Variants in DCTN5 observed in about 807,000 individuals in gnomAD.
DCTN5 encodes dynactin subunit 5.
Under a neutral mutation model 23.5 loss-of-function variants are expected in DCTN5, and 14 were observed. The observed-to-expected ratio is 0.60, with a 90% CI of 0.39 to 0.93. The LOEUF is 0.93. Among genes scored for constraint, DCTN5 ranks in the 40% least tolerant of loss-of-function variants. The pLI, the probability that DCTN5 is intolerant of heterozygous loss-of-function variation, is 0.00. For synonymous variants in DCTN5, 67 were observed against 79.6 expected (o/e 0.84, Z 0.84); for missense variants, 156 against 225.9 (o/e 0.69, Z 1.98).
At chr16:23,643,452 C>T (rs975755008) in intron 2 of DCTN5, among the ~76,000 whole-genome samples, 14 of 152,136 alleles carry the variant, frequency 9.2e-5, no homozygotes, top group African/African-American at 2.9e-4. Flanking sequence ...CTCGGCCTCC[C>T]AAAGTGCTGG....
chr16:23,648,468 A>G (rs1456868990), intron 2 of DCTN5, among the ~76,000 whole-genome samples: 3 of 150,692 alleles, frequency 2.0e-5, no homozygotes, highest in Admixed American at 6.6e-5. Flanking sequence ...TCATGCCTCA[A>G]TCTCCTGAAT....
chr16:23,659,212 C>A (rs911181620), intron 3 of DCTN5, among the ~76,000 whole-genome samples: 3 of 152,132 alleles, frequency 2.0e-5, no homozygotes, highest in Admixed American at 2.0e-4. Flanking sequence ...TCTTAAGTAT[C>A]CCTGATCTGA....
At chr16:23,664,174 C>T (rs924577260) in intron 4 of DCTN5, among the ~76,000 whole-genome samples, 6 of 152,128 alleles carry the variant, frequency 3.9e-5, no homozygotes, top group Admixed American at 3.9e-4. Flanking sequence ...AGGTAACCCA[C>T]GGAAGATAAC....
In DCTN5 at chr16:23,672,140, T is replaced by C. The variant is rs1339970551; in HGVS notation, c.*4996T>C. 1 of 151,962 alleles carries C rather than the reference T, an allele frequency of 6.6e-6. No individual in the cohort carries two copies. The allele number at this position is 151,962 out of a possible 1,614,324, so 9.4% of individuals were successfully genotyped here. ...AGAGGAGTCTGGGAGAATGAGGAAATATGAGAGCCCCAGGAACTGAAAAGG... is the reference window on the plus strand; with the variant it reads ...AGAGGAGTCTGGGAGAATGAGGAAACATGAGAGCCCCAGGAACTGAAAAGG... On this transcript the variant is annotated 3_prime_UTR_variant, in exon 6 of 6. Coordinates refer to ENST00000300087, the MANE Select transcript of DCTN5 (RefSeq NM_032486.4).
chr16:23,659,597 C>A (rs956799932), intron 3 of DCTN5, among the ~76,000 whole-genome samples: 4 of 152,188 alleles, frequency 2.6e-5, no homozygotes, highest in Non-Finnish European at 5.9e-5. Context: ...TGATGTGATA[C>A]ACCTGTCACA....
rs1402441193 is a variant in DCTN5, at chr16:23,667,077, C to T, written c.482C>T (p.Thr161Ile). The T allele has an allele frequency of 2.5e-6, 4 of 1,613,726 alleles. No homozygotes were observed. The highest frequency in any genetic ancestry group is 3.4e-6 in the Non-Finnish European group (4 of 1,180,034). Residue 161 changes from threonine (T) to isoleucine (I), a missense_variant, in exon 6 of 6, where the codon ACT (threonine) becomes ATT (isoleucine). By Grantham distance (89) the Thr-to-Ile change is moderately conservative. This residue lies in a region of DCTN5 where 153 missense variants were observed against 206.8 expected (regional missense o/e 0.74). Transcript: ENST00000300087. ...TTCTCAGGGGAGCTCCCGGAGTGCA[C>T]TCAGGAGCTGATGATTGACGTCACC... ...GLFSGELPECTQELMIDVTKS... is the reference protein window; with the variant it reads ...GLFSGELPECIQELMIDVTKS...
chr16:23,662,331 T>C (rs1967829691), intron 4 of DCTN5, among the ~76,000 whole-genome samples: 1 of 152,140 alleles, frequency 6.6e-6, no homozygotes, highest in Admixed American at 6.5e-5. Flanking sequence ...GCGGGCCCCT[T>C]GCTCAGCAGA....
chr16:23,647,495 C>CT (rs111226428), intron 2 of DCTN5, among the ~76,000 whole-genome samples: 4,468 of 140,394 alleles, frequency 0.032, 98 homozygotes, highest in Middle Eastern at 0.099. Flanking sequence ...GGGCTGTTTG[C>CT]TTTTTTTTTT....
Position 23,645,083 on chromosome 16 carries a change from CTATATATATATATA to C in DCTN5, c.117+2102_117+2115del, listed in dbSNP as rs869302728. ...GTGTGAGCCACTGCACCCAGCCTAACTATATATATATATATATATATATATATATATATATATAT... is the reference window on the plus strand; with the variant it reads ...GTGTGAGCCACTGCACCCAGCCTAACTATATATATATATATATATATATAT... On this transcript the variant is annotated intron_variant, in intron 2 of 5. Coordinates refer to ENST00000300087, the MANE Select transcript of DCTN5 (RefSeq NM_032486.4). 3.5e-3 allele frequency among the ~76,000 whole-genome samples: 115 copies of C among 33,106 alleles called. 1 individual carries two copies. The highest frequency in any genetic ancestry group is 9.8e-3 in the African/African-American group (85 of 8,676). The allele number at this position is 33,106 out of a possible 152,430, so 21.7% of individuals were successfully genotyped here. A position where few individuals can be genotyped will look rare whatever the true frequency, so the allele number is the denominator to read the frequency against.
At chr16:23,665,888 A>G (rs1967897220) in intron 5 of DCTN5, 160 bp downstream of exon 5, 1 of 623,090 alleles carries the variant, frequency 1.6e-6, no homozygotes. Context: ...TACCTAACAT[A>G]TAACAAGCAT....
chr16:23,661,717 TATAAATAAATAAATAA>T (rs370377120), intron 4 of DCTN5, among the ~76,000 whole-genome samples: 8 of 148,448 alleles, frequency 5.4e-5, no homozygotes, highest in South Asian at 2.1e-4. Context: ...GACACTGTCT[TATAAATAAATAAATAA>T]ATAAATAAAT....
chr16:23,665,426 C>T (rs1266935918), intron 4 of DCTN5, among the ~76,000 whole-genome samples, 200 bp from the exon 5 acceptor site: 1 of 152,124 alleles, frequency 6.6e-6, no homozygotes, highest in Non-Finnish European at 1.5e-5. Flanking sequence ...ATACAGCCTT[C>T]CCCCCGAAAT....
chr16:23,654,035 CAG>C (rs1967652428), intron 2 of DCTN5, among the ~76,000 whole-genome samples: 1 of 152,142 alleles, frequency 6.6e-6, no homozygotes, highest in Non-Finnish European at 1.5e-5. Flanking sequence ...CAGAAAATAA[CAG>C]ATGCTGGTGA....
intron 5 of DCTN5, chr16:23,666,808 A>G (rs1365114704): frequency 3.6e-6 from 2 of 562,226 alleles, no homozygotes; most frequent in East Asian, 2.9e-5. Flanking sequence ...CGTGTCATGC[A>G]TCTCTGCTTT....
chr16:23,650,524 C>T (rs1213104422), intron 2 of DCTN5, among the ~76,000 whole-genome samples: 7 of 148,796 alleles, frequency 4.7e-5, no homozygotes, highest in African/African-American at 1.7e-4. Context: ...CCGGGTTTCA[C>T]CATGTTGGCC....
Position 23,668,677 on chromosome 16 carries a change from A to G in DCTN5, c.*1533A>G, listed in dbSNP as rs1182587753. ...GAATGGCCATTGGGAGACAACAAGCAGACTCAACCAGGCCTCTTTGTTGGC... is the reference window on the plus strand; with the variant it reads ...GAATGGCCATTGGGAGACAACAAGCGGACTCAACCAGGCCTCTTTGTTGGC... On this transcript the variant is annotated 3_prime_UTR_variant, in exon 6 of 6. Coordinates refer to ENST00000300087, the MANE Select transcript of DCTN5 (RefSeq NM_032486.4). 2.0e-5 allele frequency: 3 copies of G among 152,366 alleles called. No homozygotes were observed. The East Asian group carries it at 5.8e-4, about 29-fold the overall frequency. 9.4% of individuals were successfully genotyped at this position (152,366 alleles called of 1,614,324 possible). A position where few individuals can be genotyped will look rare whatever the true frequency, so the allele number is the denominator to read the frequency against.
chr16:23,665,766 T>C, intron 5 of DCTN5, 38 bp downstream of exon 5: 1 of 1,529,760 alleles, frequency 6.5e-7, no homozygotes, highest in South Asian at 1.1e-5. Flanking sequence ...TTTAACTTCC[T>C]AAAACTCAGT....
chr16:23,653,158 TAAAA>T (rs969788534), intron 2 of DCTN5, among the ~76,000 whole-genome samples: 2 of 151,966 alleles, frequency 1.3e-5, no homozygotes, highest in African/African-American at 4.8e-5. Context: ...AATGAAAAAA[TAAAA>T]AATCAGTGTA....
intron 2 of DCTN5, among the ~76,000 whole-genome samples, chr16:23,651,544 C>G (rs1245587140): frequency 1.3e-5 from 2 of 152,148 alleles, no homozygotes; most frequent in African/African-American, 2.4e-5. Context: ...ATAAAACAAC[C>G]ACCATCACCA....
Sources: allele counts gnomAD v4.1 joint callset (sites outside exome capture counted in the v4.1 genomes callset), GRCh38; gene constraint gnomAD v4.1.1; regional missense constraint gnomAD v4.1.1; transcripts MANE v1.5; gene names NCBI Gene and HGNC (gene_info 2026-07-23, HGNC 2026-07-21).